MLIP: variants seen among roughly 807,000 people sequenced by gnomAD.
MLIP encodes muscular LMNA interacting protein.
Under a neutral mutation model 84.8 loss-of-function variants are expected in MLIP, and 79 were observed. The ratio of observed to expected loss-of-function variants is 0.93; its 90% confidence interval spans 0.78 to 1.12. The LOEUF is 1.12. MLIP is among the 50% of genes most tolerant of loss of function. The pLI, the probability that MLIP is intolerant of heterozygous loss-of-function variation, is 0.00. For missense variants in MLIP, 1,257 were observed against 1,160.6 expected (o/e 1.08, Z -1.21); for synonymous variants, 504 against 463.0 (o/e 1.09, Z -1.14).
chr6:54,181,003 T>C (rs1162374030), intron 9 of MLIP, among the ~76,000 whole-genome samples: 2 of 152,152 alleles, frequency 1.3e-5, no homozygotes, highest in Non-Finnish European at 2.9e-5. Context: ...CAGAGACTTT[T>C]GGTTTCTTCC....
At chr6:54,199,318 T>A (rs1445446708) in intron 10 of MLIP, among the ~76,000 whole-genome samples, 1 of 152,116 alleles carries the variant, frequency 6.6e-6, no homozygotes, top group Non-Finnish European at 1.5e-5. Flanking sequence ...CCTTAACATA[T>A]TAACTGCATG....
At chr6:54,094,472 A>G (rs1165901894) in intron 1 of MLIP, among the ~76,000 whole-genome samples, 1 of 152,126 alleles carries the variant, frequency 6.6e-6, no homozygotes, top group Non-Finnish European at 1.5e-5. Flanking sequence ...GTTTCTTCCT[A>G]AGATCACACC....
intron 1 of MLIP, among the ~76,000 whole-genome samples, chr6:54,060,804 T>C (rs917596998): frequency 2.6e-5 from 4 of 152,116 alleles, no homozygotes; most frequent in South Asian, 2.1e-4. Context: ...AGTATGAAGA[T>C]GGGAAACAGA....
intron 8 of MLIP, among the ~76,000 whole-genome samples, chr6:54,166,434 T>A (rs1036273412): frequency 6.6e-6 from 1 of 151,914 alleles, no homozygotes; most frequent in South Asian, 2.1e-4. Context: ...CCAAGGTTCC[T>A]GAAGTCCTCT....
At chr6:54,231,663 A>AGGGC (rs1330610363) in intron 12 of MLIP, among the ~76,000 whole-genome samples, 1 of 152,152 alleles carries the variant, frequency 6.6e-6, no homozygotes, top group African/African-American at 2.4e-5. Context: ...GACCCTGAAA[A>AGGGC]TTTCCTAAAA....
intron 1 of MLIP, among the ~76,000 whole-genome samples, chr6:54,112,829 G>A (rs140716468): frequency 4.9e-4 from 74 of 152,212 alleles, no homozygotes; most frequent in African/African-American, 1.3e-3. Context: ...AGGCAGTACC[G>A]TTGTAAAAGC....
rs777620026 is a variant in MLIP, at chr6:54,182,744, C to CA, written c.2545-7125dup. Among the ~76,000 whole-genome samples, 3 of 152,074 alleles carry CA rather than the reference C, an allele frequency of 2.0e-5. No individual in the cohort carries two copies. The East Asian group carries it at 5.8e-4, about 29-fold the overall frequency. ...TTACTAACTACCAGTATAAATTCAT[C>CA]ACATTTATATAATTCAAAACCATAG... On this transcript the variant is annotated intron_variant, in intron 9 of 13. Transcript: ENST00000502396.
At chr6:54,126,732 C>T (rs115740101) in intron 3 of MLIP, among the ~76,000 whole-genome samples, 1 of 151,746 alleles carries the variant, frequency 6.6e-6, no homozygotes, top group Non-Finnish European at 1.5e-5. Flanking sequence ...TGTACAAAGT[C>T]TAAAAAAAAA....
intron 1 of MLIP, among the ~76,000 whole-genome samples, chr6:54,064,239 C>A (rs1437623571): frequency 1.0e-5 from 1 of 99,978 alleles, no homozygotes; most frequent in Admixed American, 9.3e-5. Context: ...TCACCTAGGG[C>A]ATGTGATTAG....
At chr6:54,048,477 G>A (rs1288956216) in intron 1 of MLIP, among the ~76,000 whole-genome samples, 1 of 152,144 alleles carries the variant, frequency 6.6e-6, no homozygotes, top group Non-Finnish European at 1.5e-5. Flanking sequence ...GGGTTGAGGG[G>A]TGTTTGGGCA....
rs113606099 is a variant in MLIP, at chr6:54,264,193, G to A, written c.2977-1757G>A. ...CTATGGTGCTTCAATCTGATTTAAT[G>A]ATTCCTATTATAATAAAATTTTATA... is the stretch of plus-strand genomic sequence containing the variant. On this transcript the variant is annotated intron_variant, in intron 13 of 13. Coordinates refer to ENST00000502396, the MANE Select transcript of MLIP (RefSeq NM_001281747.2). Among the ~76,000 whole-genome samples the A allele has an allele frequency of 5.5e-4, 83 of 152,128 alleles. 2 individuals are homozygous for A. The highest frequency in any genetic ancestry group is 2.0e-3 in the African/African-American group (81 of 41,534).
At chr6:54,134,384 T>C (rs1366367904) in intron 3 of MLIP, among the ~76,000 whole-genome samples, 2 of 152,014 alleles carry the variant, frequency 1.3e-5, no homozygotes, top group African/African-American at 2.4e-5. Flanking sequence ...TGGTACAAAT[T>C]AGGATACATC....
chr6:54,176,283 TG>T lies in MLIP; in HGVS notation c.2544+6712del, dbSNP rs200201202. ...AGTATTCCCTTCTCCTTTGTTTGTT[TG>T]TTTTTTTGAATAGCTTAAGTAGAAT... On this transcript the variant is annotated intron_variant, in intron 9 of 13. Coordinates refer to ENST00000502396, the MANE Select transcript of MLIP (RefSeq NM_001281747.2). 1.7e-3 allele frequency among the ~76,000 whole-genome samples: 261 copies of T among 150,750 alleles called. 4 individuals carry two copies. In the South Asian group the frequency reaches 0.019, roughly 11 times the overall value.
At chr6:54,143,730 A>C (rs542196341) in intron 4 of MLIP, among the ~76,000 whole-genome samples, 1 of 152,320 alleles carries the variant, frequency 6.6e-6, no homozygotes, top group East Asian at 1.9e-4. Flanking sequence ...ATAGACGAAG[A>C]ACTAAAAATT....
At chr6:54,138,426 G>T in intron 4 of MLIP, 140 bp downstream of exon 4, 2 of 894,654 alleles carry the variant, frequency 2.2e-6, no homozygotes, top group South Asian at 1.9e-5. Flanking sequence ...ACGGTACCAG[G>T]ACTTGGTATA....
intron 12 of MLIP, among the ~76,000 whole-genome samples, chr6:54,235,383 A>T (rs1044348645): frequency 5.9e-5 from 9 of 152,138 alleles, no homozygotes; most frequent in Non-Finnish European, 1.3e-4. Context: ...AAGTTAAATT[A>T]TCCCTCCTCT....
At chr6:54,156,141 G>A (rs1561993155) in intron 5 of MLIP, among the ~76,000 whole-genome samples, 2 of 151,910 alleles carry the variant, frequency 1.3e-5, no homozygotes, top group African/African-American at 2.4e-5. Context: ...GAAAATTTTG[G>A]ACGATAGAAA....
chr6:54,194,441 A>G (rs1003993288), intron 10 of MLIP, among the ~76,000 whole-genome samples: 2 of 152,082 alleles, frequency 1.3e-5, no homozygotes, highest in African/African-American at 4.8e-5. Flanking sequence ...AATCTGGCCA[A>G]TCTGTATTGT....
chr6:54,105,922 G>A (rs900580601), intron 1 of MLIP, among the ~76,000 whole-genome samples: 1 of 152,120 alleles, frequency 6.6e-6, no homozygotes, highest in African/African-American at 2.4e-5. Flanking sequence ...GATACTCTTG[G>A]TAACACAGGA....
Sources: gnomAD v4.1 joint callset for allele counts (sites outside exome capture counted in the v4.1 genomes callset) on GRCh38, gnomAD v4.1.1 for gene constraint, MANE v1.5 for transcripts, NCBI Gene and HGNC (gene_info 2026-07-23, HGNC 2026-07-21) for gene names.